The following ABCC9 variants were observed in gnomAD, a reference collection of about 807,000 sequenced individuals.
ABCC9 encodes ATP-binding cassette sub-family C member 9.
A neutral mutation model predicts 188.3 loss-of-function variants in ABCC9; 95 were observed. The ratio of observed to expected loss-of-function variants is 0.50; its 90% CI spans 0.43 to 0.60. The LOEUF (loss-of-function observed/expected upper bound fraction) is 0.60, where lower values mean the gene tolerates loss of function less well. Among genes scored for constraint, ABCC9 ranks in the 20% least tolerant of loss-of-function variants. ABCC9 has a pLI of 0.00. For synonymous variants in ABCC9, 659 were observed against 652.7 expected, an observed-to-expected ratio of 1.01 and a Z score of -0.15; for missense variants, 1,102 against 1,876.3, an observed-to-expected ratio of 0.59 and a Z score of 7.62.
At chr12:21,821,638 G>A (rs564376760) in intron 31 of ABCC9, among the ~76,000 whole-genome samples, 2 of 152,080 alleles carry the variant, frequency 1.3e-5, no homozygotes, top group South Asian at 2.1e-4. Context: ...TCAATTTCTC[G>A]CTATTGAGTT....
chr12:21,890,456 A>G (rs902873101), intron 14 of ABCC9, among the ~76,000 whole-genome samples: 1 of 152,144 alleles, frequency 6.6e-6, no homozygotes, highest in Admixed American at 6.6e-5. Flanking sequence ...CCCTGTGAAT[A>G]TACTGCTCCT....
intron 34 of ABCC9, 58 bp downstream of exon 34, chr12:21,815,705 A>G: frequency 6.2e-7 from 1 of 1,600,796 alleles, no homozygotes. Flanking sequence ...GGTAGTAAAA[A>G]AGCAGACTCC....
rs951556415 is a variant in ABCC9, at chr12:21,925,539, C to T, written c.406+403G>A. ...GGGAAAATGTCCTTGGACTCCAAGC[C>T]AGAGACAGAAACACCTGGAACTAGA... On this transcript the variant is annotated intron_variant, in intron 5 of 39. Coordinates refer to ENST00000261200, the MANE Select transcript of ABCC9 (RefSeq NM_020297.4). 1.7e-5 allele frequency: 12 copies of T among 702,242 alleles called. No homozygotes were observed. The African/African-American group carries it at 1.9e-4, about 11-fold the overall frequency. The allele number at this position is 702,242 out of a possible 1,614,324, so 43.5% of individuals were successfully genotyped here.
rs935371606 is a variant in ABCC9, at chr12:21,816,063, T to G, written c.3893-170A>C. ...TTTTTTTTTTTTTTTTTTTTTTTTT[T>G]TTTTTTTTTTTTTTTTTAGTTTAAA... is the stretch of plus-strand genomic sequence containing the variant. On this transcript the variant is annotated intron_variant, in intron 33 of 39. Coordinates refer to ENST00000261200, the MANE Select transcript of ABCC9 (RefSeq NM_020297.4). Among the ~76,000 whole-genome samples the G allele has an allele frequency of 7.6e-3, 958 of 126,282 alleles. 20 individuals carry two copies. Among genetic ancestry groups the G allele is most frequent in the Middle Eastern group, 0.03 (8 of 270 alleles). 82.8% of individuals were successfully genotyped at this position (126,282 alleles called of 152,430 possible). A position where few individuals can be genotyped will look rare whatever the true frequency, so the allele number is the denominator to read the frequency against.
intron 7 of ABCC9, among the ~76,000 whole-genome samples, chr12:21,914,190 A>G (rs546306652): frequency 1.3e-5 from 2 of 152,044 alleles, no homozygotes; most frequent in Non-Finnish European, 2.9e-5. Context: ...ACAGCCAAAA[A>G]CTCATTAGCT....
intron 18 of ABCC9, among the ~76,000 whole-genome samples, chr12:21,865,009 T>C (rs1945710875): frequency 6.6e-6 from 1 of 152,102 alleles, no homozygotes; most frequent in South Asian, 2.1e-4. Flanking sequence ...AAACTACATC[T>C]AAGTAGAATC....
At chr12:21,859,911 G>A (rs1314089834) in intron 21 of ABCC9, among the ~76,000 whole-genome samples, 1 of 152,072 alleles carries the variant, frequency 6.6e-6, no homozygotes, top group African/African-American at 2.4e-5. Context: ...GATCTCTGCT[G>A]TACAGAAGCA....
chr12:21,919,323 A>G (rs11046234), intron 5 of ABCC9, among the ~76,000 whole-genome samples: 34,516 of 151,910 alleles, frequency 0.23, 4,720 homozygotes, highest in African/African-American at 0.37. Context: ...AAAAACCAAT[A>G]CTAGGAATGA....
intron 16 of ABCC9, among the ~76,000 whole-genome samples, chr12:21,876,959 G>C (rs1248809251): frequency 1.3e-5 from 2 of 152,184 alleles, no homozygotes; most frequent in African/African-American, 4.8e-5. Context: ...TCTGTAGCTT[G>C]TGATATATAT....
chr12:21,923,766 C>A, intron 5 of ABCC9: 1 of 687,440 alleles, frequency 1.5e-6, no homozygotes, highest in South Asian at 1.6e-5. Flanking sequence ...AGATTTCACT[C>A]TTAGGTATTT....
intron 25 of ABCC9, 135 bp from the exon 26 acceptor site, chr12:21,845,967 T>A (rs1295586618): frequency 1.4e-6 from 1 of 725,486 alleles, no homozygotes; most frequent in Non-Finnish European, 2.4e-6. Context: ...TTAAATGCTT[T>A]TAGTAGGGCA....
At chr12:21,911,544 G>A (rs182732682) in intron 8 of ABCC9, among the ~76,000 whole-genome samples, 46 of 152,110 alleles carry the variant, frequency 3.0e-4, no homozygotes, top group Non-Finnish European at 5.7e-4. Flanking sequence ...GAATACGACT[G>A]AATTCAGCAT....
chr12:21,895,520 C>G (rs1947357053), intron 12 of ABCC9, among the ~76,000 whole-genome samples: 1 of 152,124 alleles, frequency 6.6e-6, no homozygotes, highest in African/African-American at 2.4e-5. Flanking sequence ...TAGTCTTAAC[C>G]AGTTTCTGTT....
intron 35 of ABCC9, among the ~76,000 whole-genome samples, chr12:21,812,443 C>A (rs1398731122): frequency 6.6e-6 from 1 of 152,116 alleles, no homozygotes; most frequent in African/African-American, 2.4e-5. Context: ...AGACTTGGAA[C>A]CAACCCAAAT....
intron 18 of ABCC9, among the ~76,000 whole-genome samples, chr12:21,866,360 G>T (rs1409322564): frequency 6.6e-6 from 1 of 151,882 alleles, no homozygotes; most frequent in East Asian, 1.9e-4. Flanking sequence ...GAACTAGAGG[G>T]AACAAGACTG....
At chr12:21,822,390 A>T (rs1943092268) in intron 31 of ABCC9, among the ~76,000 whole-genome samples, 1 of 151,752 alleles carries the variant, frequency 6.6e-6, no homozygotes, top group South Asian at 2.1e-4. Context: ...TGCATAAGGG[A>T]TGAAGCTCCT....
intron 15 of ABCC9, among the ~76,000 whole-genome samples, chr12:21,883,370 T>G (rs551227186): frequency 8.5e-5 from 13 of 152,254 alleles, no homozygotes; most frequent in Non-Finnish European, 1.6e-4. Flanking sequence ...TCTCAGGAGA[T>G]CTGATGGTTT....
intron 17 of ABCC9, among the ~76,000 whole-genome samples, chr12:21,875,029 A>G (rs1054201408): frequency 6.6e-6 from 1 of 151,326 alleles, no homozygotes; most frequent in Non-Finnish European, 1.5e-5. Context: ...GTGTACTTTA[A>G]AATGTGTCAA....
chr12:21,906,552 A>G (rs541311751), intron 11 of ABCC9, among the ~76,000 whole-genome samples: 1 of 152,060 alleles, frequency 6.6e-6, no homozygotes, highest in African/African-American at 2.4e-5. Context: ...GCTAAAAACA[A>G]TTTTCTAAAG....
Sources: gnomAD v4.1 joint callset for allele counts (sites outside exome capture counted in the v4.1 genomes callset) on GRCh38, gnomAD v4.1.1 for gene constraint, MANE v1.5 for transcripts, NCBI Gene and HGNC (gene_info 2026-07-23, HGNC 2026-07-21) for gene names.